Variants in CSNK1D observed in about 807,000 individuals in gnomAD.
The protein encoded by CSNK1D is casein kinase 1 delta.
CSNK1D carries 16 observed loss-of-function variants against 46.6 expected under a neutral mutation model. The observed-to-expected ratio is 0.34, with a 90% CI of 0.23 to 0.52. The LOEUF is 0.52. CSNK1D is among the 20% of genes least tolerant of loss of function. The pLI is 0.95. For synonymous variants in CSNK1D, 276 were observed against 228.2 expected (o/e 1.21, Z -1.89); for missense variants, 398 against 578.4 (o/e 0.69, Z 3.20).
intron 1 of CSNK1D, chr17:82,272,081 G>A (rs975239404): frequency 6.6e-6 from 1 of 152,284 alleles, no homozygotes; most frequent in Admixed American, 6.5e-5. Flanking sequence ...TGGGCCAGGC[G>A]CGGTGGCTTC....
rs2050783103 is a variant in CSNK1D, at chr17:82,243,762, G to C, written c.*1019C>G. On this transcript the variant is annotated 3_prime_UTR_variant, in exon 9 of 9. Coordinates refer to ENST00000314028, the MANE Select transcript of CSNK1D (RefSeq NM_001893.6). ...ACAGACGGAGTGCCAATCCGCACAG[G>C]AGCATTGAGTGCTGAGAAAATGGAC... 1.0e-6 allele frequency: 1 copy of C among 985,460 alleles called. No homozygotes were observed. Among genetic ancestry groups the C allele is most frequent in the Non-Finnish European group, 1.2e-6 (1 of 829,966 alleles). 61.0% of individuals were successfully genotyped at this position (985,460 alleles called of 1,614,324 possible).
downstream of CSNK1D, among the ~76,000 whole-genome samples, chr17:82,240,605 G>T (rs1599566261): frequency 6.6e-6 from 1 of 152,174 alleles, no homozygotes; most frequent in East Asian, 1.9e-4. Context: ...GCAGGAAGCA[G>T]TCTCTCTAGC....
rs752161261 is a variant in CSNK1D, at chr17:82,242,811, G to A, written c.*1970C>T. 1.0e-4 allele frequency: 99 copies of A among 985,312 alleles called. No homozygotes were observed. Among genetic ancestry groups the A allele is most frequent in the Middle Eastern group, 5.2e-4 (1 of 1,936 alleles). The allele number at this position is 985,312 out of a possible 1,614,324, so 61.0% of individuals were successfully genotyped here. A position where few individuals can be genotyped will look rare whatever the true frequency, so the allele number is the denominator to read the frequency against. ...ACCTACGTCTCCTGCACGGGGCGAC[G>A]GGGACTAGATACTGGGCAAGGACTG... On this transcript the variant is annotated 3_prime_UTR_variant, in exon 9 of 9. Coordinates refer to ENST00000314028, the MANE Select transcript of CSNK1D (RefSeq NM_001893.6).
chr17:82,273,362 T>C lies in CSNK1D; in HGVS notation c.20A>G (p.Asn7Ser), dbSNP rs1241370264. 6.2e-7 allele frequency: 1 copy of C among 1,610,676 alleles called. No homozygotes were observed. Among genetic ancestry groups the C allele is most frequent in the Non-Finnish European group, 8.5e-7 (1 of 1,179,330 alleles). Reference protein sequence around the residue: MELRVGNRYRLGRKIGS... With the variant: MELRVGSRYRLGRKIGS... ...GATCTTCCGGCCCAGCCGGTACCTG[T>C]TCCCGACTCTCAGCTCCATGGCGGC... Residue 7 changes from asparagine to serine, a missense_variant, in exon 1 of 9, where the codon AAC becomes AGC. By Grantham distance (46) the Asn-to-Ser change is conservative. Around this residue, in one of 2 missense-constraint regions of CSNK1D, gnomAD observed 217 missense variants for 370.3 expected, o/e 0.59. Transcript: ENST00000314028. This position sits in a 1 kb window ranked among gnomAD's most constrained non-coding sequence, Gnocchi z 5.1.
At chr17:82,272,706 G>A (rs1220572142) in intron 1 of CSNK1D, among the ~76,000 whole-genome samples, 1 of 152,198 alleles carries the variant, frequency 6.6e-6, no homozygotes, top group African/African-American at 2.4e-5. Flanking sequence ...GCTCCACACG[G>A]CATTTGGGTC....
At chr17:82,256,441 A>G (rs2051176710) in intron 2 of CSNK1D, among the ~76,000 whole-genome samples, 1 of 152,052 alleles carries the variant, frequency 6.6e-6, no homozygotes, top group Admixed American at 6.6e-5. Context: ...TGAGCCCAGG[A>G]AATGGAGGCT....
At position 82,243,513 on chromosome 17, in the gene CSNK1D, C is replaced by T. The variant is rs976605150; in HGVS notation, c.*1268G>A. 2.1e-4 allele frequency: 210 copies of T among 985,506 alleles called. No homozygotes were observed. The highest frequency in any genetic ancestry group is 2.1e-3 in the Admixed American group (34 of 16,280). The allele number at this position is 985,506 out of a possible 1,614,324, so 61.0% of individuals were successfully genotyped here. On this transcript the variant is annotated 3_prime_UTR_variant, in exon 9 of 9. Coordinates refer to ENST00000314028, the MANE Select transcript of CSNK1D (RefSeq NM_001893.6). ...AGGCCACCTGCCTTCTGGTGGGACT[C>T]GGCCCCACGCACGCTGCTTCACTTC...
downstream of CSNK1D, chr17:82,242,586 A>G (rs138882649): frequency 9.8e-3 from 9,104 of 932,326 alleles, 54 homozygotes; most frequent in Middle Eastern, 0.013. Flanking sequence ...ATCTCAAAGA[A>G]GTATTTTCAC....
intron 2 of CSNK1D, among the ~76,000 whole-genome samples, chr17:82,262,559 GGA>G (rs2051367205): frequency 2.6e-5 from 4 of 152,194 alleles, no homozygotes; most frequent in Non-Finnish European, 5.9e-5. Flanking sequence ...GTGAAAGGAA[GGA>G]AAACCGCAAT....
In CSNK1D at chr17:82,243,654, C is replaced by CT. The variant is rs1366186530; in HGVS notation, c.*1126dup. 9.1e-6 allele frequency: 9 copies of CT among 985,414 alleles called. No homozygotes were observed. Among genetic ancestry groups the CT allele is most frequent in the African/African-American group, 1.7e-5 (1 of 57,246 alleles). The allele number at this position is 985,414 out of a possible 1,614,324, so 61.0% of individuals were successfully genotyped here. A position where few individuals can be genotyped will look rare whatever the true frequency, so the allele number is the denominator to read the frequency against. ...GCTCCTTGGCACCTCAGGGTGGGTC[C>CT]TTCTGGCCTGCCGGCTTTTCTGAGC... On this transcript the variant is annotated 3_prime_UTR_variant, in exon 9 of 9. Transcript: ENST00000314028.
intron 3 of CSNK1D, among the ~76,000 whole-genome samples, chr17:82,254,967 G>A (rs888208590): frequency 6.3e-4 from 73 of 115,188 alleles, no homozygotes; most frequent in Admixed American, 7.9e-4. Context: ...GAGCTGAGCC[G>A]CCGGAGCCTC....
Position 82,248,215 on chromosome 17 carries a change from G to A in CSNK1D, c.1197+660C>T, listed in dbSNP as rs1037818497. ...TTGAAGAAATATAATGGATCCATATGGAGAAAGCTGTTCTAGTTCAAAGAG... is the reference window on the plus strand; with the variant it reads ...TTGAAGAAATATAATGGATCCATATAGAGAAAGCTGTTCTAGTTCAAAGAG... On this transcript the variant is annotated intron_variant, in intron 8 of 8. Coordinates refer to ENST00000314028, the MANE Select transcript of CSNK1D (RefSeq NM_001893.6). The surrounding 1 kb of genome is among the most constrained non-coding windows in gnomAD (Gnocchi z 4.1). The A allele has an allele frequency of 6.7e-5, 66 of 985,604 alleles. No individual in the cohort carries two copies. Among genetic ancestry groups the A allele is most frequent in the Non-Finnish European group, 7.8e-5 (65 of 830,142 alleles). The allele number at this position is 985,604 out of a possible 1,614,324, so 61.1% of individuals were successfully genotyped here. A position where few individuals can be genotyped will look rare whatever the true frequency, so the allele number is the denominator to read the frequency against.
In CSNK1D at chr17:82,249,206, C is replaced by T. The variant is rs985450864; in HGVS notation, c.1058-192G>A. The T allele has an allele frequency of 7.5e-6, 6 of 797,990 alleles. No individual in the cohort carries two copies. Among genetic ancestry groups the T allele is most frequent in the Non-Finnish European group, 1.2e-5 (6 of 513,194 alleles). 49.4% of individuals were successfully genotyped at this position (797,990 alleles called of 1,614,324 possible). A position where few individuals can be genotyped will look rare whatever the true frequency, so the allele number is the denominator to read the frequency against. ...GGGACATGGGAGCGAGGTCAAGGGG[C>T]TCACAGGGGAGGAACGTGAGATGCG... On this transcript the variant is annotated intron_variant, in intron 7 of 8. Transcript: ENST00000314028. The surrounding 1 kb of genome is among the most constrained non-coding windows in gnomAD (Gnocchi z 6.7).
At chr17:82,262,121 C>T (rs1230212273) in intron 2 of CSNK1D, among the ~76,000 whole-genome samples, 1 of 152,222 alleles carries the variant, frequency 6.6e-6, no homozygotes, top group African/African-American at 2.4e-5. Flanking sequence ...ACCAACATAG[C>T]TACTTTTAGT....
In CSNK1D at chr17:82,255,947, C is replaced by G. The variant is rs1448336009; in HGVS notation, c.188-370G>C. 6.6e-6 allele frequency among the ~76,000 whole-genome samples: 1 copy of G among 152,196 alleles called. No homozygotes were observed. The highest frequency in any genetic ancestry group is 1.5e-5 in the Non-Finnish European group (1 of 68,048). On this transcript the variant is annotated intron_variant, in intron 2 of 8. Transcript: ENST00000314028. This position sits in a 1 kb window ranked among gnomAD's most constrained non-coding sequence, Gnocchi z 5.9. Reference sequence around the variant, plus strand: ...GGCATAAAGGAGCAGCAGAGCCCGCCAGAAACGTCACACAGGAGATGGGAG... The same window carrying G: ...GGCATAAAGGAGCAGCAGAGCCCGCGAGAAACGTCACACAGGAGATGGGAG...
At chr17:82,240,514 C>T (rs947929546), downstream of CSNK1D, among the ~76,000 whole-genome samples, 1 of 152,176 alleles carries the variant, frequency 6.6e-6, no homozygotes, top group African/African-American at 2.4e-5. Context: ...GAGGTACTGG[C>T]AGGGAGGTCA....
chr17:82,264,746 C>T lies in CSNK1D; in HGVS notation c.187+940G>A, dbSNP rs1285777840. 2.6e-5 allele frequency among the ~76,000 whole-genome samples: 4 copies of T among 151,908 alleles called. No homozygotes were observed. The South Asian group carries it at 8.3e-4, about 32-fold the overall frequency. On this transcript the variant is annotated intron_variant, in intron 2 of 8. Coordinates refer to ENST00000314028, the MANE Select transcript of CSNK1D (RefSeq NM_001893.6). Reference sequence around the variant, plus strand: ...CCACTGGCAACAGCTCCAGTGACCACTGAGGGGCACACGACACCACGGGGA... The same window carrying T: ...CCACTGGCAACAGCTCCAGTGACCATTGAGGGGCACACGACACCACGGGGA...
chr17:82,269,412 G>A (rs1232141667), intron 1 of CSNK1D, among the ~76,000 whole-genome samples: 4 of 152,136 alleles, frequency 2.6e-5, no homozygotes, highest in Non-Finnish European at 1.5e-5. Flanking sequence ...AAGAACAGGT[G>A]GTCGCTCTCC....
Position 82,273,246 on chromosome 17 carries a change from G to T in CSNK1D, c.76+60C>A. On this transcript the variant is annotated intron_variant, in intron 1 of 8. Transcript: ENST00000314028. This position sits in a 1 kb window ranked among gnomAD's most constrained non-coding sequence, Gnocchi z 5.1. Reference sequence around the variant, plus strand: ...ACCACTTCCTTCCGCGATCGCGCTTGGTCTTGGCAGCCGCAGGGCCCGGGT... The same window carrying T: ...ACCACTTCCTTCCGCGATCGCGCTTTGTCTTGGCAGCCGCAGGGCCCGGGT... 1.3e-6 allele frequency: 2 copies of T among 1,523,436 alleles called. No individual in the cohort carries two copies. Among genetic ancestry groups the T allele is most frequent in the Non-Finnish European group, 1.8e-6 (2 of 1,119,768 alleles). 94.4% of individuals were successfully genotyped at this position (1,523,436 alleles called of 1,614,324 possible). A position where few individuals can be genotyped will look rare whatever the true frequency, so the allele number is the denominator to read the frequency against.
Sources: gnomAD v4.1 joint callset for allele counts (sites outside exome capture counted in the v4.1 genomes callset) on GRCh38, gnomAD v4.1.1 for gene constraint, gnomAD v4.1.1 regional missense constraint, Gnocchi (gnomAD v3.1) non-coding constraint, MANE v1.5 for transcripts, NCBI Gene and HGNC (gene_info 2026-07-23, HGNC 2026-07-21) for gene names.